Variants in PTPRM observed in about 807,000 individuals in gnomAD.
PTPRM encodes receptor-type tyrosine-protein phosphatase mu.
In PTPRM, 47 loss-of-function variants were observed where a neutral mutation model predicts 186.7. The observed-to-expected ratio is 0.25, with a 90% CI of 0.20 to 0.32. PTPRM has a LOEUF of 0.32. Among genes scored for constraint, PTPRM ranks in the 10% least tolerant of loss-of-function variants. PTPRM has a pLI of 1.00. For missense variants in PTPRM, 1,494 were observed against 1,865.0 expected, an observed-to-expected ratio of 0.80 and a Z score of 3.66; for synonymous variants, 668 against 674.9, an observed-to-expected ratio of 0.99 and a Z score of 0.16.
At chr18:7,828,422 A>G (rs2045597790) in intron 2 of PTPRM, among the ~76,000 whole-genome samples, 1 of 151,656 alleles carries the variant, frequency 6.6e-6, no homozygotes, top group South Asian at 2.1e-4. Flanking sequence ...CCACCCCACA[A>G]CAGTCCCCAG....
At chr18:8,043,769 T>A (rs1238111626) in intron 7 of PTPRM, among the ~76,000 whole-genome samples, 1 of 152,066 alleles carries the variant, frequency 6.6e-6, no homozygotes, top group Non-Finnish European at 1.5e-5. Context: ...AAGGTCACCC[T>A]TGATCTGTGC....
At chr18:7,908,345 T>A (rs1199104682) in intron 4 of PTPRM, among the ~76,000 whole-genome samples, 1 of 152,232 alleles carries the variant, frequency 6.6e-6, no homozygotes, top group Non-Finnish European at 1.5e-5. Context: ...TTCATGGGTC[T>A]TTCCTGATGA....
chr18:7,881,656 T>G (rs1328369685), intron 2 of PTPRM, among the ~76,000 whole-genome samples: 2 of 152,192 alleles, frequency 1.3e-5, no homozygotes, highest in East Asian at 3.9e-4. Flanking sequence ...TAGATCAAGT[T>G]CATGGAGCAC....
intron 31 of PTPRM, among the ~76,000 whole-genome samples, chr18:8,391,017 T>C (rs984593886): frequency 6.6e-6 from 1 of 151,940 alleles, no homozygotes; most frequent in Non-Finnish European, 1.5e-5. Context: ...CTCAATATTA[T>C]TCATTTTTAG....
chr18:7,773,508 A>G (rs558462096), intron 1 of PTPRM, among the ~76,000 whole-genome samples: 97 of 151,348 alleles, frequency 6.4e-4, no homozygotes, highest in Non-Finnish European at 1.1e-3. Context: ...AAATTCCTAT[A>G]CATCTGGAAA....
intron 22 of PTPRM, among the ~76,000 whole-genome samples, chr18:8,324,020 C>T (rs2095361253): frequency 6.6e-6 from 1 of 151,996 alleles, no homozygotes; most frequent in African/African-American, 2.4e-5. Flanking sequence ...ACATTAAAAG[C>T]TATTTGGGGA....
At chr18:8,212,923 T>A (rs1016896383) in intron 14 of PTPRM, among the ~76,000 whole-genome samples, 1 of 152,208 alleles carries the variant, frequency 6.6e-6, no homozygotes, top group African/African-American at 2.4e-5. Context: ...CTTATGAACA[T>A]TCTTCCTAGC....
chr18:7,983,173 G>A (rs573001841), intron 7 of PTPRM, among the ~76,000 whole-genome samples: 5 of 152,218 alleles, frequency 3.3e-5, no homozygotes, highest in East Asian at 1.9e-4. Context: ...AGCCAGAGGC[G>A]GGCGAGCATC....
At chr18:8,219,794 G>A (rs917719932) in intron 14 of PTPRM, among the ~76,000 whole-genome samples, 6 of 152,198 alleles carry the variant, frequency 3.9e-5, no homozygotes, top group African/African-American at 1.2e-4. Flanking sequence ...AGCATGCTAT[G>A]TCAGAGTCAG....
intron 14 of PTPRM, among the ~76,000 whole-genome samples, chr18:8,201,195 A>G (rs1037564704): frequency 6.6e-6 from 1 of 152,320 alleles, no homozygotes; most frequent in Admixed American, 6.5e-5. Flanking sequence ...GCGCACCTGT[A>G]GCCCCAGCTA....
At chr18:7,811,001 C>T (rs1470963686) in intron 2 of PTPRM, among the ~76,000 whole-genome samples, 1 of 152,092 alleles carries the variant, frequency 6.6e-6, no homozygotes, top group Non-Finnish European at 1.5e-5. Context: ...TTTATTTTAT[C>T]CTTTGCCCAG....
chr18:7,915,748 A>G (rs1188480963), intron 4 of PTPRM, among the ~76,000 whole-genome samples: 1 of 152,234 alleles, frequency 6.6e-6, no homozygotes, highest in Non-Finnish European at 1.5e-5. Flanking sequence ...TGAAGGAAGT[A>G]CTGATGCTTG....
At chr18:8,183,949 C>A (rs966463877) in intron 14 of PTPRM, among the ~76,000 whole-genome samples, 2 of 152,180 alleles carry the variant, frequency 1.3e-5, no homozygotes, top group African/African-American at 4.8e-5. Context: ...CACTCTGGGT[C>A]TGTGAAGGAT....
chr18:8,048,280 G>A (rs1045331944), intron 7 of PTPRM, among the ~76,000 whole-genome samples: 5 of 151,988 alleles, frequency 3.3e-5, no homozygotes, highest in Admixed American at 1.3e-4. Context: ...TAAGGAGCAA[G>A]CTTTTTTTTT....
intron 14 of PTPRM, among the ~76,000 whole-genome samples, chr18:8,157,106 A>G (rs1366556916): frequency 6.6e-6 from 1 of 152,136 alleles, no homozygotes; most frequent in East Asian, 1.9e-4. Context: ...CAGCTGCCTT[A>G]TGCCCACACC....
chr18:8,140,442 T>TG (rs1313065033), intron 13 of PTPRM, among the ~76,000 whole-genome samples: 85 of 11,806 alleles, frequency 7.2e-3, no homozygotes, highest in African/African-American at 0.02. Flanking sequence ...GTTTTGAGTT[T>TG]TTTTGTTTGT....
intron 7 of PTPRM, among the ~76,000 whole-genome samples, chr18:7,995,100 A>C (rs1284015419): frequency 1.3e-5 from 2 of 151,890 alleles, no homozygotes; most frequent in African/African-American, 2.4e-5. Context: ...GAAAAGACCC[A>C]AAAAAAATTA....
intron 1 of PTPRM, among the ~76,000 whole-genome samples, chr18:7,628,322 A>G (rs1235547702): frequency 6.6e-6 from 1 of 152,242 alleles, no homozygotes; most frequent in Non-Finnish European, 1.5e-5. Context: ...AAAGATAAGT[A>G]GCTTAATGAT....
chr18:8,347,478 A>C (rs1407726833), intron 23 of PTPRM, among the ~76,000 whole-genome samples: 1 of 152,140 alleles, frequency 6.6e-6, no homozygotes, highest in African/African-American at 2.4e-5. Context: ...TAATAATTAC[A>C]CACTAAAGCC....
Sources: allele counts gnomAD v4.1 joint callset (sites outside exome capture counted in the v4.1 genomes callset), GRCh38; gene constraint gnomAD v4.1.1; transcripts MANE v1.5; gene names NCBI Gene and HGNC (gene_info 2026-07-23, HGNC 2026-07-21).